The following RGS6 variants were observed in gnomAD, a reference collection of about 807,000 sequenced individuals.
RGS6 encodes regulator of G-protein signaling 6.
Under a neutral mutation model 78.5 loss-of-function variants are expected in RGS6, and 30 were observed. That is an observed-to-expected ratio of 0.38 (90% CI 0.29 to 0.52). RGS6 has a LOEUF of 0.52. Among genes scored for constraint, RGS6 ranks in the 20% least tolerant of loss-of-function variants. RGS6 has a pLI of 0.85. For synonymous variants in RGS6, 206 were observed against 206.0 expected (o/e 1.00, Z 0.00); for missense variants, 495 against 609.7 (o/e 0.81, Z 1.98).
At chr14:71,897,241 G>A in the RGS6 span, among the ~76,000 whole-genome samples, 941 of 152,298 alleles carry the variant, frequency 6.2e-3, 9 homozygotes, top group African/African-American at 0.021. Context: ...GGTGAAGTGG[G>A]GAGAGTATGG....
At chr14:71,924,487 C>A in the RGS6 span, among the ~76,000 whole-genome samples, 1 of 152,136 alleles carries the variant, frequency 6.6e-6, no homozygotes. Context: ...ACATTAGATT[C>A]CTAGACATAC....
intron 2 of RGS6, among the ~76,000 whole-genome samples, chr14:72,263,280 T>G (rs746745770): frequency 3.3e-5 from 5 of 152,168 alleles, no homozygotes; most frequent in Admixed American, 6.5e-5. Flanking sequence ...GTGTAAGAGA[T>G]TCTATCTAAA....
the RGS6 span, among the ~76,000 whole-genome samples, chr14:72,592,819 C>T: frequency 6.6e-6 from 1 of 152,164 alleles, no homozygotes; most frequent in Non-Finnish European, 1.5e-5. Flanking sequence ...AGTTGCCTGG[C>T]TGCTCCCACT....
At chr14:71,925,506 A>G in the RGS6 span, among the ~76,000 whole-genome samples, 3 of 151,856 alleles carry the variant, frequency 2.0e-5, no homozygotes, top group East Asian at 1.9e-4. Context: ...CTTTCCCCCT[A>G]TGTTTTCTTC....
At chr14:72,314,584 A>T (rs907286201) in intron 2 of RGS6, among the ~76,000 whole-genome samples, 1 of 152,128 alleles carries the variant, frequency 6.6e-6, no homozygotes, top group African/African-American at 2.4e-5. Context: ...AACAGTATAT[A>T]CTTTATAGTG....
At chr14:72,415,531 G>A (rs374729240) in intron 3 of RGS6, among the ~76,000 whole-genome samples, 67 of 152,346 alleles carry the variant, frequency 4.4e-4, no homozygotes, top group African/African-American at 1.4e-3. Flanking sequence ...CGCACGGTGC[G>A]CTGCACCCAC....
At chr14:72,160,195 C>T (rs1272396531) in intron 2 of RGS6, among the ~76,000 whole-genome samples, 2 of 152,136 alleles carry the variant, frequency 1.3e-5, no homozygotes, top group Non-Finnish European at 1.5e-5. Flanking sequence ...TGGAAATGCC[C>T]ATGTTATGTC....
At chr14:72,170,977 C>A (rs938042925) in intron 2 of RGS6, among the ~76,000 whole-genome samples, 1 of 152,178 alleles carries the variant, frequency 6.6e-6, no homozygotes, top group African/African-American at 2.4e-5. Context: ...TATCTTAAAA[C>A]CTTCACTAGA....
At chr14:72,509,113 C>G (rs2096847109) in intron 13 of RGS6, among the ~76,000 whole-genome samples, 1 of 152,092 alleles carries the variant, frequency 6.6e-6, no homozygotes, top group Non-Finnish European at 1.5e-5. Context: ...ACCTGTAATC[C>G]CAGCACTTTG....
At chr14:72,071,050 C>A (rs1239346513) in intron 2 of RGS6, among the ~76,000 whole-genome samples, 2 of 151,872 alleles carry the variant, frequency 1.3e-5, no homozygotes, top group Non-Finnish European at 2.9e-5. Context: ...TATATTGGAC[C>A]AGCTGGATGT....
intron 2 of RGS6, among the ~76,000 whole-genome samples, chr14:72,194,136 G>A (rs971754657): frequency 6.6e-6 from 1 of 152,108 alleles, no homozygotes; most frequent in East Asian, 1.9e-4. Context: ...GAGGTGGTGA[G>A]GAACGGTCGG....
intron 3 of RGS6, among the ~76,000 whole-genome samples, chr14:72,360,628 A>G (rs77563219): frequency 0.03 from 4,633 of 152,026 alleles, 208 homozygotes; most frequent in African/African-American, 0.1. Context: ...AAGCTTATAG[A>G]TCTTCTCATT....
chr14:72,070,649 G>A (rs910798597), intron 2 of RGS6, among the ~76,000 whole-genome samples: 3 of 152,156 alleles, frequency 2.0e-5, no homozygotes, highest in Non-Finnish European at 4.4e-5. Context: ...CAGGGCTTCT[G>A]CTAGCCCATG....
At chr14:72,493,223 G>A (rs112407395) in intron 12 of RGS6, among the ~76,000 whole-genome samples, 75 of 152,076 alleles carry the variant, frequency 4.9e-4, no homozygotes, top group African/African-American at 1.2e-3. Flanking sequence ...AAAATAAACC[G>A]ACAGAAAAAA....
At chr14:72,311,503 T>C (rs2068605201) in intron 2 of RGS6, among the ~76,000 whole-genome samples, 1 of 151,874 alleles carries the variant, frequency 6.6e-6, no homozygotes, top group African/African-American at 2.4e-5. Context: ...AAAAAAATAA[T>C]AGGGAAGAAA....
downstream of RGS6, among the ~76,000 whole-genome samples, chr14:72,568,844 C>T (rs1378366294): frequency 6.6e-6 from 1 of 152,226 alleles, no homozygotes; most frequent in Non-Finnish European, 1.5e-5. Flanking sequence ...GAACACCTGG[C>T]GTCCAAGGGA....
chr14:71,884,303 T>C, the RGS6 span, among the ~76,000 whole-genome samples: 1 of 152,172 alleles, frequency 6.6e-6, no homozygotes, highest in Admixed American at 6.5e-5. Context: ...CTTAAGGAGC[T>C]GACAGTCCAG....
At chr14:72,268,080 A>G (rs1377666511) in intron 2 of RGS6, among the ~76,000 whole-genome samples, 1 of 152,222 alleles carries the variant, frequency 6.6e-6, no homozygotes, top group Non-Finnish European at 1.5e-5. Flanking sequence ...ATGGTTTTTA[A>G]GATATTTCTA....
At chr14:72,267,267 G>A (rs2059220238) in intron 2 of RGS6, among the ~76,000 whole-genome samples, 1 of 152,092 alleles carries the variant, frequency 6.6e-6, no homozygotes, top group African/African-American at 2.4e-5. Context: ...TATATGTTTA[G>A]ATGATTGGGA....
Sources: gnomAD v4.1 joint callset for allele counts (sites outside exome capture counted in the v4.1 genomes callset) on GRCh38, gnomAD v4.1.1 for gene constraint, MANE v1.5 for transcripts, NCBI Gene and HGNC (gene_info 2026-07-23, HGNC 2026-07-21) for gene names.